PPP3CC: variants seen among roughly 807,000 people sequenced by gnomAD.
The protein encoded by PPP3CC is serine/threonine-protein phosphatase 2B catalytic subunit gamma isoform.
PPP3CC carries 35 observed loss-of-function variants against 60.3 expected under a neutral mutation model. That is an observed-to-expected ratio of 0.58 (90% CI 0.44 to 0.77). The LOEUF is 0.77. PPP3CC is among the 30% of genes least tolerant of loss of function. The probability of loss-of-function intolerance (pLI) is 0.00; values close to 1 mark genes in which losing one functional copy is unlikely to be tolerated. For synonymous variants in PPP3CC, 206 were observed against 224.3 expected, an observed-to-expected ratio of 0.92 and a Z score of 0.73; for missense variants, 570 against 628.9, an observed-to-expected ratio of 0.91 and a Z score of 1.00.
intron 8 of PPP3CC, chr8:22,523,541 G>A (rs769020894): frequency 4.1e-5 from 13 of 318,310 alleles, no homozygotes; most frequent in Non-Finnish European, 7.7e-5. Flanking sequence ...AATGAGTATT[G>A]TCCCTTCAAA....
chr8:22,486,502 G>A (rs1563726890), intron 3 of PPP3CC, among the ~76,000 whole-genome samples: 1 of 152,106 alleles, frequency 6.6e-6, no homozygotes, highest in Non-Finnish European at 1.5e-5. Context: ...AAAGACTATT[G>A]CAAGGTTGAA....
chr8:22,534,142 C>T (rs113030002), intron 12 of PPP3CC, among the ~76,000 whole-genome samples: 2,291 of 145,304 alleles, frequency 0.016, 49 homozygotes, highest in African/African-American at 0.048. Context: ...GAGGTTGCAG[C>T]GAGCCAAGAT....
rs145698467 is a variant in PPP3CC, at chr8:22,450,995, C to T, written c.49+9537C>T. Among the ~76,000 whole-genome samples the T allele has an allele frequency of 5.2e-4, 75 of 145,594 alleles. 1 individual carries two copies. In the East Asian group the frequency reaches 0.014, roughly 27 times the overall value. ...GACTACAGCCACGCGCCACCACGCC[C>T]GGCTAATTTTTCTTTTTTTTTTTTT... On this transcript the variant is annotated intron_variant, in intron 1 of 13. Transcript: ENST00000240139.
chr8:22,502,288 G>A (rs549748670), intron 4 of PPP3CC, among the ~76,000 whole-genome samples: 3 of 152,068 alleles, frequency 2.0e-5, no homozygotes, highest in Non-Finnish European at 4.4e-5. Flanking sequence ...AGTGTTAATT[G>A]TAACAACAAC....
intron 4 of PPP3CC, among the ~76,000 whole-genome samples, chr8:22,509,732 C>A (rs548562853): frequency 2.6e-5 from 4 of 152,268 alleles, no homozygotes; most frequent in African/African-American, 9.6e-5. Flanking sequence ...GACAGAGGCT[C>A]ACTCTGTTGC....
chr8:22,505,184 G>A (rs547004924), intron 4 of PPP3CC, among the ~76,000 whole-genome samples: 3 of 151,752 alleles, frequency 2.0e-5, no homozygotes, highest in African/African-American at 4.8e-5. Flanking sequence ...GCACCACCAC[G>A]CCTGGCTAAT....
intron 1 of PPP3CC, among the ~76,000 whole-genome samples, chr8:22,448,393 T>A (rs1296768162): frequency 1.3e-5 from 2 of 151,350 alleles, no homozygotes; most frequent in Non-Finnish European, 2.9e-5. Flanking sequence ...TTTTTTTTTT[T>A]TTTGAGATGG....
chr8:22,458,600 AAAAAAT>A (rs563406985), intron 1 of PPP3CC, among the ~76,000 whole-genome samples: 538 of 152,060 alleles, frequency 3.5e-3, no homozygotes, highest in African/African-American at 0.012. Context: ...ACCGTCTCAA[AAAAAAT>A]AAAAATAAAA....
intron 4 of PPP3CC, among the ~76,000 whole-genome samples, chr8:22,510,456 G>T (rs1428225502): frequency 6.6e-6 from 1 of 152,072 alleles, no homozygotes; most frequent in Non-Finnish European, 1.5e-5. Flanking sequence ...ACCCCTAAGA[G>T]ATCTTTAAGA....
intron 2 of PPP3CC, among the ~76,000 whole-genome samples, 170 bp from the exon 3 acceptor site, chr8:22,475,330 A>G (rs975542366): frequency 1.3e-5 from 2 of 152,238 alleles, no homozygotes; most frequent in South Asian, 4.1e-4. Context: ...TAAGTGTCTC[A>G]TATTTCCAGT....
At chr8:22,508,268 A>T (rs1443845542) in intron 4 of PPP3CC, among the ~76,000 whole-genome samples, 2 of 152,144 alleles carry the variant, frequency 1.3e-5, no homozygotes, top group East Asian at 1.9e-4. Flanking sequence ...AAATTTTTTT[A>T]AAAGGTGGTA....
At chr8:22,480,181 A>C (rs1838018742) in intron 3 of PPP3CC, among the ~76,000 whole-genome samples, 1 of 152,206 alleles carries the variant, frequency 6.6e-6, no homozygotes, top group South Asian at 2.1e-4. Flanking sequence ...ATGAAAGTTT[A>C]CGATTGATAA....
At chr8:22,535,893 G>A (rs939137828) in intron 12 of PPP3CC, among the ~76,000 whole-genome samples, 4 of 152,084 alleles carry the variant, frequency 2.6e-5, no homozygotes, top group East Asian at 1.9e-4. Context: ...CGCCATGCCC[G>A]GATAATTTTT....
At chr8:22,512,175 C>A (rs898814772) in intron 5 of PPP3CC, among the ~76,000 whole-genome samples, 5 of 152,074 alleles carry the variant, frequency 3.3e-5, no homozygotes, top group African/African-American at 1.2e-4. Context: ...GGTACTGAGA[C>A]TAAAAATTTT....
At chr8:22,489,822 A>G (rs889804129) in intron 3 of PPP3CC, among the ~76,000 whole-genome samples, 1 of 145,772 alleles carries the variant, frequency 6.9e-6, no homozygotes, top group African/African-American at 2.5e-5. Context: ...AAATAAATAT[A>G]TATATATTCA....
At chr8:22,443,031 T>TG (rs1836719418) in intron 1 of PPP3CC, among the ~76,000 whole-genome samples, 1 of 152,168 alleles carries the variant, frequency 6.6e-6, no homozygotes, top group African/African-American at 2.4e-5. Flanking sequence ...GCCAGAACTG[T>TG]GGGTCAAGTC....
At chr8:22,468,529 A>G (rs992311911) in intron 1 of PPP3CC, among the ~76,000 whole-genome samples, 4 of 152,062 alleles carry the variant, frequency 2.6e-5, no homozygotes, top group African/African-American at 9.7e-5. Context: ...AGGAAAGAAG[A>G]TTCATGAGTT....
chr8:22,474,008 C>T (rs146842657), intron 1 of PPP3CC, among the ~76,000 whole-genome samples: 3,192 of 152,186 alleles, frequency 0.021, 121 homozygotes, highest in African/African-American at 0.073. Context: ...GATTCTTCTG[C>T]CTCAGCTTCC....
chr8:22,467,241 T>C (rs1837567736), intron 1 of PPP3CC, among the ~76,000 whole-genome samples: 1 of 152,144 alleles, frequency 6.6e-6, no homozygotes, highest in South Asian at 2.1e-4. Context: ...TACTTATGCA[T>C]TGAGATATTT....
Sources: gnomAD v4.1 joint callset for allele counts (sites outside exome capture counted in the v4.1 genomes callset) on GRCh38, gnomAD v4.1.1 for gene constraint, MANE v1.5 for transcripts, NCBI Gene and HGNC (gene_info 2026-07-23, HGNC 2026-07-21) for gene names.